The following NAA30 variants were observed in gnomAD, a reference collection of about 807,000 sequenced individuals.
NAA30 encodes the protein N-alpha-acetyltransferase 30, NatC catalytic subunit.
In NAA30, 5 loss-of-function variants were observed where a neutral mutation model predicts 31.4. The ratio of observed to expected loss-of-function variants is 0.16; its 90% confidence interval spans 0.08 to 0.33. NAA30 has a LOEUF of 0.33. NAA30 is among the 10% of genes least tolerant of loss of function. The pLI, the probability that NAA30 is intolerant of heterozygous loss-of-function variation, is 1.00. For missense variants in NAA30, 428 were observed against 490.8 expected (o/e 0.87, Z 1.21); for synonymous variants, 222 against 207.1 (o/e 1.07, Z -0.62).
intron 4 of NAA30, among the ~76,000 whole-genome samples, chr14:57,404,988 T>C (rs1333653138): frequency 1.3e-5 from 2 of 152,190 alleles, no homozygotes; most frequent in Admixed American, 1.3e-4. Context: ...TACATTTATT[T>C]TTACTAGACA....
In NAA30 at chr14:57,391,988, T is replaced by C. The variant is rs1045944837; in HGVS notation, c.771+260T>C. On this transcript the variant is annotated intron_variant, in intron 2 of 4. Transcript: ENST00000556492. This position sits in a 1 kb window ranked among gnomAD's most constrained non-coding sequence, Gnocchi z 4.1. ...GTGTTTCACTGGGGTGGGGGTCTTG[T>C]GTCTTGTTTACATTAGATTATAATC... Among the ~76,000 whole-genome samples the C allele has an allele frequency of 1.3e-5, 2 of 152,100 alleles. No homozygotes were observed. The highest frequency in any genetic ancestry group is 4.8e-5 in the African/African-American group (2 of 41,434).
rs981253948 is a variant in NAA30 at position 57,412,089 on chromosome 14, C to T, written c.*2573C>T. On this transcript the variant is annotated 3_prime_UTR_variant, in exon 5 of 5. Coordinates refer to ENST00000556492, the MANE Select transcript of NAA30 (RefSeq NM_001011713.3). ...TATATGTTAGTATTGAAGAAGCTAA[C>T]GGGTATACTATCATTTTTGATGTGT... 2.0e-5 allele frequency: 3 copies of T among 151,992 alleles called. No individual in the cohort carries two copies. Among genetic ancestry groups the T allele is most frequent in the South Asian group, 2.1e-4 (1 of 4,812 alleles). 9.4% of individuals were successfully genotyped at this position (151,992 alleles called of 1,614,324 possible).
In NAA30 at chr14:57,409,804, A is replaced by G. The variant is rs2066515544; in HGVS notation, c.*288A>G. 3.8e-6 allele frequency: 1 copy of G among 261,538 alleles called. No individual in the cohort carries two copies. Among genetic ancestry groups the G allele is most frequent in the South Asian group, 1.5e-4 (1 of 6,528 alleles). The allele number at this position is 261,538 out of a possible 1,614,324, so 16.2% of individuals were successfully genotyped here. ...GCAAAGTCTGCTGACAATGTTATTT[A>G]CACAGTGATCATTTTATCACAGAAC... On this transcript the variant is annotated 3_prime_UTR_variant, in exon 5 of 5. Transcript: ENST00000556492.
intron 4 of NAA30, among the ~76,000 whole-genome samples, chr14:57,408,178 G>C (rs1679118040): frequency 6.6e-6 from 1 of 152,040 alleles, no homozygotes; most frequent in Non-Finnish European, 1.5e-5. Context: ...GCTTCACTTG[G>C]GCCTTTGTTT....
At chr14:57,395,177 T>C (rs905415603) in intron 2 of NAA30, among the ~76,000 whole-genome samples, 19 of 152,154 alleles carry the variant, frequency 1.2e-4, no homozygotes, top group Non-Finnish European at 2.1e-4. Context: ...CAAAATAGTT[T>C]TGGAATGTGT....
At position 57,409,662 on chromosome 14, in the gene NAA30, T is replaced by C. The variant is rs916796708; in HGVS notation, c.*146T>C. The C allele has an allele frequency of 3.0e-4, 203 of 683,302 alleles. 1 individual carries two copies. Among genetic ancestry groups the C allele is most frequent in the Non-Finnish European group, 4.0e-4 (181 of 452,500 alleles). 42.3% of individuals were successfully genotyped at this position (683,302 alleles called of 1,614,324 possible). On this transcript the variant is annotated 3_prime_UTR_variant, in exon 5 of 5. Transcript: ENST00000556492. Reference sequence around the variant, plus strand: ...TGTCTCATTGAGTGTCGCACAATATTTGTTGCACTTTGGCATGGCACATTT... The same window carrying C: ...TGTCTCATTGAGTGTCGCACAATATCTGTTGCACTTTGGCATGGCACATTT...
rs1163930354 is a variant in NAA30, at chr14:57,391,212, C to T, written c.255C>T (p.Asn85=). The change falls in exon 2 of 5, where the codon AAC becomes AAT. Residue 85 remains asparagine, a synonymous_variant. Transcript: ENST00000556492. This position sits in a 1 kb window ranked among gnomAD's most constrained non-coding sequence, Gnocchi z 4.1. The part of the protein sequence containing the change: ...PQPPQEQQQL[N]GLISPELRHL... The stretch of plus-strand genomic sequence containing the variant: ...CGCCGCAGGAGCAGCAGCAGCTCAA[C>T]GGATTGATTAGCCCCGAACTGCGGC... 1 of 1,612,074 alleles carries T rather than the reference C, an allele frequency of 6.2e-7. No individual in the cohort carries two copies. The highest frequency in any genetic ancestry group is 8.5e-7 in the Non-Finnish European group (1 of 1,179,864).
At chr14:57,392,544 A>G (rs2066434127) in intron 2 of NAA30, among the ~76,000 whole-genome samples, 3 of 152,222 alleles carry the variant, frequency 2.0e-5, no homozygotes, top group Non-Finnish European at 4.4e-5. Context: ...AAATTAACAT[A>G]GTATTGGCAG....
Position 57,391,054 on chromosome 14 carries a change from G to T in NAA30, c.97G>T (p.Ala33Ser). The T allele has an allele frequency of 1.3e-6, 2 of 1,511,360 alleles. No individual in the cohort carries two copies. The highest frequency in any genetic ancestry group is 1.8e-6 in the Non-Finnish European group (2 of 1,136,894). The allele number at this position is 1,511,360 out of a possible 1,614,324, so 93.6% of individuals were successfully genotyped here. The change falls in exon 2 of 5, where the codon GCC becomes TCC. Residue 33 changes from alanine (A) to serine (S), a missense_variant. Ala to Ser is a moderately conservative substitution (Grantham distance 99). Coordinates refer to ENST00000556492, the MANE Select transcript of NAA30 (RefSeq NM_001011713.3). This position sits in a 1 kb window ranked among gnomAD's most constrained non-coding sequence, Gnocchi z 4.1. The part of the protein sequence containing the change: ...VEPRCPFPAG[A>S]ALACCSEDEE... ...GCCCCGCTGTCCCTTCCCGGCGGGG[G>T]CCGCCCTCGCCTGCTGCAGCGAGGA...
chr14:57,405,805 T>G (rs2066496122), intron 4 of NAA30, among the ~76,000 whole-genome samples: 1 of 152,222 alleles, frequency 6.6e-6, no homozygotes, highest in Non-Finnish European at 1.5e-5. Flanking sequence ...AAGCCTGCTC[T>G]CCAGGAGCTT....
At position 57,415,382 on chromosome 14, in the gene NAA30, ACT is replaced by A. The variant is rs1041292639; in HGVS notation, c.*5868_*5869del. ...TATGTTTTCCTTTCATGCCAAAGAA[ACT>A]CACCCTTTTTAAAAGCCAGCAGGTT... On this transcript the variant is annotated 3_prime_UTR_variant, in exon 5 of 5. Transcript: ENST00000556492. The A allele has an allele frequency of 3.3e-5, 5 of 152,080 alleles. No individual in the cohort carries two copies. Among genetic ancestry groups the A allele is most frequent in the African/African-American group, 1.2e-4 (5 of 41,398 alleles). 9.4% of individuals were successfully genotyped at this position (152,080 alleles called of 1,614,324 possible).
chr14:57,394,636 A>G (rs545323221), intron 2 of NAA30, among the ~76,000 whole-genome samples: 1 of 152,276 alleles, frequency 6.6e-6, no homozygotes, highest in South Asian at 2.1e-4. Context: ...TAGATGATGT[A>G]TACAGCTTGA....
intron 4 of NAA30, among the ~76,000 whole-genome samples, chr14:57,401,615 T>C (rs1310752551): frequency 6.6e-6 from 1 of 152,158 alleles, no homozygotes; most frequent in Non-Finnish European, 1.5e-5. Flanking sequence ...GGATAATAGA[T>C]CATGTTTTGA....
rs1052769599 is a variant in NAA30 at position 57,411,576 on chromosome 14, A to G, written c.*2060A>G. On this transcript the variant is annotated 3_prime_UTR_variant, in exon 5 of 5. Transcript: ENST00000556492. ...TTTTAGTGTTTTTGCCAGATTGTCAATGAAACCATCATACTGACCTTTTCC... is the reference window on the plus strand; with the variant it reads ...TTTTAGTGTTTTTGCCAGATTGTCAGTGAAACCATCATACTGACCTTTTCC... 2 of 152,138 alleles carry G rather than the reference A, an allele frequency of 1.3e-5. No individual in the cohort carries two copies. The highest frequency in any genetic ancestry group is 2.4e-5 in the African/African-American group (1 of 41,448). The allele number at this position is 152,138 out of a possible 1,614,324, so 9.4% of individuals were successfully genotyped here.
intron 4 of NAA30, among the ~76,000 whole-genome samples, chr14:57,403,079 G>A (rs1394758842): frequency 1.3e-5 from 2 of 152,132 alleles, no homozygotes; most frequent in Admixed American, 6.5e-5. Flanking sequence ...TACTCGGGAG[G>A]CTGAGGCAGG....
intron 1 of NAA30, 59 bp downstream of exon 1, chr14:57,390,764 G>A: frequency 2.0e-6 from 1 of 507,524 alleles, no homozygotes; most frequent in Non-Finnish European, 3.2e-6. Context: ...GGGCGGACGG[G>A]GACGGTGGCC....
rs1186597466 is a variant in NAA30, at chr14:57,391,432, G to A, written c.475G>A (p.Ala159Thr). 1 of 1,607,004 alleles carries A rather than the reference G, an allele frequency of 6.2e-7. No homozygotes were observed. Among genetic ancestry groups the A allele is most frequent in the African/African-American group, 1.3e-5 (1 of 74,938 alleles). Residue 159 changes from alanine to threonine, a missense_variant, in exon 2 of 5, where the codon GCG becomes ACG. By Grantham distance (58) the Ala-to-Thr change is moderately conservative. Around this residue, in one of 2 missense-constraint regions of NAA30, gnomAD observed 349 missense variants for 310.4 expected, o/e 1.12. Transcript: ENST00000556492. This position sits in a 1 kb window ranked among gnomAD's most constrained non-coding sequence, Gnocchi z 4.1. ...AVPSPVEAAAASDPAAARNGL... is the reference protein window; with the variant it reads ...AVPSPVEAAATSDPAAARNGL... ...CCCCAGCCCGGTGGAGGCAGCGGCG[G>A]CGAGCGATCCCGCGGCGGCCCGCAA...
intron 4 of NAA30, among the ~76,000 whole-genome samples, chr14:57,404,731 G>A (rs1467260143): frequency 1.3e-5 from 2 of 152,146 alleles, no homozygotes; most frequent in South Asian, 2.1e-4. Context: ...CGCATCTTAC[G>A]TGGATGGTGG....
chr14:57,404,195 G>A (rs1280809547), intron 4 of NAA30, among the ~76,000 whole-genome samples: 2 of 152,196 alleles, frequency 1.3e-5, no homozygotes, highest in Non-Finnish European at 2.9e-5. Context: ...GGTGGTGCGT[G>A]CCTGTAATCC....
Sources: allele counts gnomAD v4.1 joint callset (sites outside exome capture counted in the v4.1 genomes callset), GRCh38; gene constraint gnomAD v4.1.1; regional missense constraint gnomAD v4.1.1; non-coding constraint Gnocchi (gnomAD v3.1); transcripts MANE v1.5; gene names NCBI Gene and HGNC (gene_info 2026-07-23, HGNC 2026-07-21).